CSMD1: variants seen among roughly 807,000 people sequenced by gnomAD.
CSMD1 encodes the protein CUB and Sushi multiple domains 1, also known as CUB and sushi domain-containing protein 1.
CSMD1 carries 213 observed loss-of-function variants against 417.5 expected under a neutral mutation model. The observed-to-expected ratio is 0.51, with a 90% CI of 0.46 to 0.57. The LOEUF (loss-of-function observed/expected upper bound fraction) is 0.57, where lower values mean the gene tolerates loss of function less well. Among genes scored for constraint, CSMD1 ranks in the 20% least tolerant of loss-of-function variants. CSMD1 has a pLI of 0.00. For synonymous variants in CSMD1, 2,862 were observed against 1,736.8 expected (o/e 1.65, Z -16.11); for missense variants, 6,923 against 4,529.7 (o/e 1.53, Z -15.17).
In CSMD1 at chr8:4,288,241, C is replaced by A. The variant is rs548096254; in HGVS notation, c.415+131712G>T. Among the ~76,000 whole-genome samples, 318 of 152,220 alleles carry A rather than the reference C, an allele frequency of 2.1e-3. 3 individuals are homozygous for A. Among genetic ancestry groups the A allele is most frequent in the African/African-American group, 7.1e-3 (295 of 41,542 alleles). On this transcript the variant is annotated intron_variant, in intron 3 of 69. Coordinates refer to ENST00000635120, the MANE Select transcript of CSMD1 (RefSeq NM_033225.6). ...ACTCAGGGCCTGGCAGTGCTGGGTG[C>A]CTTCATGAGTTTCTGACATGCCCCC...
intron 3 of CSMD1, among the ~76,000 whole-genome samples, chr8:4,175,251 A>C (rs1383420055): frequency 6.6e-6 from 1 of 152,140 alleles, no homozygotes; most frequent in Non-Finnish European, 1.5e-5. Context: ...AATTAAATGA[A>C]ACCATTTATA....
In CSMD1 at chr8:4,165,849, C is replaced by T. The variant is rs572183381; in HGVS notation, c.416-133750G>A. ...GTTGCAAAACTAATTGCGTTTTTTG[C>T]CATTGAAAGTAAAAGCAAATTACTT... is the stretch of plus-strand genomic sequence containing the variant. On this transcript the variant is annotated intron_variant, in intron 3 of 69. Transcript: ENST00000635120. Among the ~76,000 whole-genome samples, 71 of 152,260 alleles carry T rather than the reference C, an allele frequency of 4.7e-4. 1 individual carries two copies. Among genetic ancestry groups the T allele is most frequent in the African/African-American group, 1.7e-3 (71 of 41,556 alleles).
intron 10 of CSMD1, among the ~76,000 whole-genome samples, chr8:3,567,380 A>G (rs1799758787): frequency 6.6e-6 from 1 of 152,250 alleles, no homozygotes; most frequent in Middle Eastern, 3.4e-3. Flanking sequence ...AAGTTTACCT[A>G]TATAACAAAC....
intron 49 of CSMD1, among the ~76,000 whole-genome samples, chr8:3,081,326 A>G (rs1349910314): frequency 6.6e-6 from 1 of 152,252 alleles, no homozygotes; most frequent in Non-Finnish European, 1.5e-5. Flanking sequence ...TTTATGTAAG[A>G]ATAAACGGAC....
chr8:4,253,308 G>C (rs778841711), intron 3 of CSMD1, among the ~76,000 whole-genome samples: 10 of 152,034 alleles, frequency 6.6e-5, no homozygotes, highest in Non-Finnish European at 1.0e-4. Context: ...CAATATTCAT[G>C]TTTTGTCTCT....
At chr8:3,291,960 A>G (rs1192080003) in intron 25 of CSMD1, among the ~76,000 whole-genome samples, 1 of 151,754 alleles carries the variant, frequency 6.6e-6, no homozygotes, top group Non-Finnish European at 1.5e-5. Flanking sequence ...TCTTGTGGGC[A>G]TTTAGTGCTA....
chr8:3,527,106 G>A (rs976817944), intron 10 of CSMD1, among the ~76,000 whole-genome samples: 2 of 151,962 alleles, frequency 1.3e-5, no homozygotes, highest in Non-Finnish European at 2.9e-5. Context: ...AAGGAGCCCA[G>A]AACCCAGAAG....
At chr8:4,955,021 C>T (rs1384545463) in intron 1 of CSMD1, among the ~76,000 whole-genome samples, 3 of 152,088 alleles carry the variant, frequency 2.0e-5, no homozygotes, top group Non-Finnish European at 4.4e-5. Flanking sequence ...ACGAGAAAGC[C>T]AGCTGATTTT....
chr8:3,792,973 C>T (rs17067587), intron 5 of CSMD1, among the ~76,000 whole-genome samples: 1,752 of 152,248 alleles, frequency 0.012, 33 homozygotes, highest in African/African-American at 0.04. Flanking sequence ...GGATCACCGT[C>T]TAGAACCATC....
intron 10 of CSMD1, among the ~76,000 whole-genome samples, chr8:3,556,392 A>ATATATATATATATCTATAT (rs1554468279): frequency 8.3e-6 from 1 of 120,448 alleles, no homozygotes; most frequent in African/African-American, 3.3e-5. Context: ...TATAATAATT[A>ATATATATATATATCTATAT]ATATATATAT....
At chr8:3,948,961 A>G (rs1315523522) in intron 5 of CSMD1, among the ~76,000 whole-genome samples, 2 of 152,160 alleles carry the variant, frequency 1.3e-5, no homozygotes, top group Admixed American at 6.5e-5. Flanking sequence ...CTACTGGAAA[A>G]TATTTATCAC....
chr8:4,439,889 C>A (rs1438204), intron 2 of CSMD1, among the ~76,000 whole-genome samples: 3,754 of 152,220 alleles, frequency 0.025, 161 homozygotes, highest in African/African-American at 0.085. Context: ...AAAAGAGAAT[C>A]AACTACACAA....
intron 11 of CSMD1, among the ~76,000 whole-genome samples, chr8:3,470,598 G>T (rs112383576): frequency 7.9e-5 from 12 of 151,898 alleles, no homozygotes; most frequent in Non-Finnish European, 1.5e-4. Context: ...TGAATCCACC[G>T]CCATAGTCAA....
intron 17 of CSMD1, among the ~76,000 whole-genome samples, chr8:3,388,792 G>T (rs969570575): frequency 5.3e-5 from 8 of 152,150 alleles, no homozygotes; most frequent in Non-Finnish European, 7.3e-5. Flanking sequence ...CTCTGGAGGA[G>T]CTTTCAATCT....
intron 5 of CSMD1, among the ~76,000 whole-genome samples, chr8:3,760,155 T>A (rs754697369): frequency 1.3e-5 from 2 of 152,108 alleles, no homozygotes; most frequent in East Asian, 1.9e-4. Flanking sequence ...TAAGGGAATT[T>A]TGACATGCCC....
intron 11 of CSMD1, among the ~76,000 whole-genome samples, chr8:3,472,391 A>G (rs1456891557): frequency 6.6e-6 from 1 of 151,990 alleles, no homozygotes; most frequent in East Asian, 1.9e-4. Flanking sequence ...ATTTTGTCAC[A>G]TTTTTACCCA....
intron 3 of CSMD1, among the ~76,000 whole-genome samples, chr8:4,234,213 T>C (rs549414945): frequency 3.3e-5 from 5 of 152,226 alleles, no homozygotes; most frequent in African/African-American, 1.2e-4. Flanking sequence ...AGAAAAGACA[T>C]CTGTAAGCGA....
At chr8:4,117,209 G>A (rs934491568) in intron 3 of CSMD1, among the ~76,000 whole-genome samples, 2 of 149,190 alleles carry the variant, frequency 1.3e-5, no homozygotes, top group African/African-American at 2.5e-5. Flanking sequence ...TGGCTTCCAA[G>A]GACCCCCTCC....
intron 3 of CSMD1, among the ~76,000 whole-genome samples, chr8:4,145,834 G>C (rs373877377): frequency 5.3e-5 from 8 of 151,270 alleles, no homozygotes; most frequent in African/African-American, 2.0e-4. Context: ...TGGCTTCCAG[G>C]AAGCAGAGCC....
Sources: allele counts gnomAD v4.1 joint callset (sites outside exome capture counted in the v4.1 genomes callset), GRCh38; gene constraint gnomAD v4.1.1; transcripts MANE v1.5; gene names NCBI Gene and HGNC (gene_info 2026-07-23, HGNC 2026-07-21).